The following TOX2 variants were observed in gnomAD, a reference collection of about 807,000 sequenced individuals.
TOX2 encodes TOX high mobility group box family member 2.
In TOX2, 15 loss-of-function variants were observed where a neutral mutation model predicts 47.4. The ratio of observed to expected loss-of-function variants is 0.32; its 90% CI spans 0.21 to 0.49. TOX2 has a LOEUF of 0.49. TOX2 is among the 20% of genes least tolerant of loss of function. TOX2 has a pLI of 0.99. For synonymous variants in TOX2, 290 were observed against 296.6 expected, an observed-to-expected ratio of 0.98 and a Z score of 0.23; for missense variants, 622 against 673.1, an observed-to-expected ratio of 0.92 and a Z score of 0.84.
intron 1 of TOX2, among the ~76,000 whole-genome samples, chr20:43,959,952 G>A (rs191913512): frequency 6.6e-5 from 10 of 152,268 alleles, no homozygotes; most frequent in Admixed American, 3.9e-4. Context: ...TCATTAGAGT[G>A]TAGGCTCTGG....
At chr20:44,020,607 A>G (rs1162286581) in intron 3 of TOX2, among the ~76,000 whole-genome samples, 1 of 152,202 alleles carries the variant, frequency 6.6e-6, no homozygotes, top group African/African-American at 2.4e-5. Context: ...GCTTCTGGAA[A>G]CGTGATCCTA....
intron 5 of TOX2, among the ~76,000 whole-genome samples, chr20:44,055,104 G>A (rs1287019819): frequency 2.0e-5 from 3 of 152,196 alleles, no homozygotes; most frequent in African/African-American, 7.2e-5. Context: ...ACACCCTGTG[G>A]AGTAGCCATT....
intron 4 of TOX2, among the ~76,000 whole-genome samples, chr20:44,053,437 T>TACACACACACAC (rs1447650799): frequency 1.6e-4 from 11 of 67,180 alleles, no homozygotes; most frequent in African/African-American, 4.9e-4. Flanking sequence ...AGGGCAGATA[T>TACACACACACAC]ATACACACAC....
intron 2 of TOX2, among the ~76,000 whole-genome samples, chr20:43,997,839 A>T (rs569198156): frequency 6.6e-6 from 1 of 152,274 alleles, no homozygotes; most frequent in East Asian, 1.9e-4. Context: ...TTAACACAGA[A>T]GTTACTTAGA....
At position 43,915,065 on chromosome 20, in the gene TOX2, G is replaced by A; in HGVS notation, c.99+75G>A. On this transcript the variant is annotated intron_variant, in intron 1 of 8. Transcript: ENST00000341197. This position sits in a 1 kb window ranked among gnomAD's most constrained non-coding sequence, Gnocchi z 7.1. ...GGCAGCTCGGGACTCAGGCGCTCCC[G>A]GGGTCACACGGGGCCGCGCACATCA... 3.4e-6 allele frequency: 3 copies of A among 873,368 alleles called. No homozygotes were observed. Among genetic ancestry groups the A allele is most frequent in the Non-Finnish European group, 4.3e-6 (3 of 692,016 alleles). The allele number at this position is 873,368 out of a possible 1,614,324, so 54.1% of individuals were successfully genotyped here.
At chr20:43,960,964 C>G (rs544783441) in intron 1 of TOX2, among the ~76,000 whole-genome samples, 1 of 152,226 alleles carries the variant, frequency 6.6e-6, no homozygotes, top group African/African-American at 2.4e-5. Flanking sequence ...AAGGGGGAGG[C>G]CTTTTTCAAG....
intron 2 of TOX2, among the ~76,000 whole-genome samples, chr20:43,988,512 G>A (rs1226520925): frequency 2.0e-5 from 3 of 152,232 alleles, no homozygotes; most frequent in Non-Finnish European, 4.4e-5. Context: ...GTGAAATGGA[G>A]ATAATAAATC....
At chr20:44,026,228 G>GAGATAT (rs1555842268) in intron 3 of TOX2, among the ~76,000 whole-genome samples, 3 of 60,244 alleles carry the variant, frequency 5.0e-5, no homozygotes, top group African/African-American at 1.9e-4. Context: ...AAGAAACTGT[G>GAGATAT]ATATATATAT....
At chr20:44,035,854 C>T (rs1277373280) in intron 3 of TOX2, among the ~76,000 whole-genome samples, 1 of 152,180 alleles carries the variant, frequency 6.6e-6, no homozygotes, top group Non-Finnish European at 1.5e-5. Flanking sequence ...AGGAACGTCA[C>T]CCATGAGAAG....
chr20:43,973,599 A>G (rs184840606), intron 2 of TOX2, among the ~76,000 whole-genome samples, 167 bp downstream of exon 2: 32 of 152,328 alleles, frequency 2.1e-4, no homozygotes, highest in African/African-American at 7.2e-4. Context: ...GGTACAATCA[A>G]AGTGGGACTA....
Position 44,054,514 on chromosome 20 carries a change from G to C in TOX2, c.867G>C (p.Glu289Asp), listed in dbSNP as rs1200164663. Reference sequence around the variant, plus strand: ...CCTCCATGTGGGACAGCCTGGGAGAGGAACAGAAGCAGGTGAGCCTCCCTC... The same window carrying C: ...CCTCCATGTGGGACAGCCTGGGAGACGAACAGAAGCAGGTGAGCCTCCCTC... ...IVASMWDSLG[E>D]EQKQAYKRKT... Residue 289 changes from glutamate (E) to aspartate (D), a missense_variant, in exon 5 of 9, where the codon GAG becomes GAC. Glu to Asp is a conservative substitution (Grantham distance 45). Coordinates refer to ENST00000341197, the MANE Select transcript of TOX2 (RefSeq NM_001098797.2). 9.9e-6 allele frequency: 16 copies of C among 1,613,942 alleles called. No homozygotes were observed. The highest frequency in any genetic ancestry group is 1.4e-5 in the Non-Finnish European group (16 of 1,179,922).
At chr20:43,925,331 G>A (rs1439438770) in intron 1 of TOX2, among the ~76,000 whole-genome samples, 1 of 152,100 alleles carries the variant, frequency 6.6e-6, no homozygotes, top group Non-Finnish European at 1.5e-5. Flanking sequence ...GGGTGGGCAG[G>A]GTGGATGTTG....
At chr20:43,944,690 C>T (rs2069442734) in intron 1 of TOX2, among the ~76,000 whole-genome samples, 1 of 152,232 alleles carries the variant, frequency 6.6e-6, no homozygotes, top group Non-Finnish European at 1.5e-5. Context: ...CCCCAGAGCG[C>T]TTCCTGCTTA....
chr20:44,022,510 C>A (rs2070991956), intron 3 of TOX2, among the ~76,000 whole-genome samples: 1 of 152,182 alleles, frequency 6.6e-6, no homozygotes, highest in Admixed American at 6.5e-5. Flanking sequence ...TTCTGGTTCC[C>A]CCAGGAAGTC....
chr20:43,979,455 G>A (rs1328749670), intron 2 of TOX2, among the ~76,000 whole-genome samples: 1 of 151,950 alleles, frequency 6.6e-6, no homozygotes, highest in Non-Finnish European at 1.5e-5. Context: ...AAGAAGAGAG[G>A]GGATCTAGGT....
chr20:43,927,458 AAC>A (rs34410581), intron 1 of TOX2, among the ~76,000 whole-genome samples: 30,295 of 129,888 alleles, frequency 0.23, 3,820 homozygotes, highest in Middle Eastern at 0.33. Context: ...TGATCTATAT[AAC>A]ACACACACAC....
intron 1 of TOX2, among the ~76,000 whole-genome samples, chr20:43,959,371 G>A (rs2069719695): frequency 6.6e-6 from 1 of 152,196 alleles, no homozygotes; most frequent in Non-Finnish European, 1.5e-5. Flanking sequence ...TATATCAGCA[G>A]TGTTTACAAA....
At chr20:43,955,319 G>A (rs898840831) in intron 1 of TOX2, 1 of 984,728 alleles carries the variant, frequency 1.0e-6, no homozygotes, top group African/African-American at 1.7e-5. Context: ...GGGCCCATGG[G>A]GGCCTCTGGC....
chr20:43,981,696 T>A (rs999793596), intron 2 of TOX2, among the ~76,000 whole-genome samples: 2 of 152,200 alleles, frequency 1.3e-5, no homozygotes, highest in Non-Finnish European at 2.9e-5. Context: ...TCTGAGGGAT[T>A]GGGTGAGATG....
Sources: allele counts gnomAD v4.1 joint callset (sites outside exome capture counted in the v4.1 genomes callset), GRCh38; gene constraint gnomAD v4.1.1; non-coding constraint Gnocchi (gnomAD v3.1); transcripts MANE v1.5; gene names NCBI Gene and HGNC (gene_info 2026-07-23, HGNC 2026-07-21).